The following MAD1L1 variants were observed in gnomAD, a reference collection of about 807,000 sequenced individuals.
The protein encoded by MAD1L1 is mitotic spindle assembly checkpoint protein MAD1.
MAD1L1 carries 95 observed loss-of-function variants against 96.9 expected under a neutral mutation model. The ratio of observed to expected loss-of-function variants is 0.98; its 90% CI spans 0.83 to 1.16. The LOEUF is 1.16. MAD1L1 is among the 50% of genes most tolerant of loss of function. MAD1L1 has a pLI of 0.00. For missense variants in MAD1L1, 1,007 were observed against 954.4 expected (o/e 1.06, Z -0.73); for synonymous variants, 473 against 396.6 (o/e 1.19, Z -2.29).
At chr7:1,887,411 A>ATGTG (rs10678802) in intron 18 of MAD1L1, among the ~76,000 whole-genome samples, 4,895 of 146,694 alleles carry the variant, frequency 0.033, 161 homozygotes, top group Admixed American at 0.096. Context: ...CTGCCTGTGC[A>ATGTG]TGTGTGTGTG....
At chr7:2,053,284 G>A (rs114833619) in intron 12 of MAD1L1, among the ~76,000 whole-genome samples, 121 of 152,298 alleles carry the variant, frequency 7.9e-4, no homozygotes, top group African/African-American at 2.8e-3. Context: ...GTGAGGCTGG[G>A]ACCAAGAGTC....
chr7:2,139,702 G>A (rs1036370362), intron 11 of MAD1L1, among the ~76,000 whole-genome samples: 2 of 152,192 alleles, frequency 1.3e-5, no homozygotes, highest in Non-Finnish European at 2.9e-5. Flanking sequence ...GGAGGAAGCC[G>A]GGCTTCGGCA....
chr7:2,210,934 C>A (rs370851547), intron 10 of MAD1L1, among the ~76,000 whole-genome samples: 1 of 152,252 alleles, frequency 6.6e-6, no homozygotes, highest in Admixed American at 6.5e-5. Context: ...CGGATCTTCA[C>A]ACGCAGTTGG....
At chr7:2,167,637 G>T (rs1000144758) in intron 10 of MAD1L1, among the ~76,000 whole-genome samples, 7 of 152,096 alleles carry the variant, frequency 4.6e-5, no homozygotes, top group Admixed American at 1.3e-4. Context: ...GGCTGAGGTG[G>T]GAGGACCACT....
intron 18 of MAD1L1, among the ~76,000 whole-genome samples, chr7:1,890,550 T>C (rs1786473799): frequency 6.6e-6 from 1 of 152,138 alleles, no homozygotes; most frequent in African/African-American, 2.4e-5. Context: ...CCAAATACAC[T>C]CCTTTTTCTC....
At chr7:1,886,127 A>C (rs1468290659) in intron 18 of MAD1L1, among the ~76,000 whole-genome samples, 1 of 152,192 alleles carries the variant, frequency 6.6e-6, no homozygotes, top group Admixed American at 6.5e-5. Flanking sequence ...GCCCAGCAGC[A>C]CTGTGAGGGC....
intron 18 of MAD1L1, among the ~76,000 whole-genome samples, chr7:1,832,631 GGC>G (rs1224762645): frequency 3.6e-3 from 26 of 7,162 alleles, no homozygotes; most frequent in South Asian, 0.012. Context: ...TTTTTTTTTT[GGC>G]GGGGGGGGGG....
intron 16 of MAD1L1, among the ~76,000 whole-genome samples, chr7:1,947,878 G>A (rs776289863): frequency 4.6e-5 from 7 of 152,188 alleles, no homozygotes; most frequent in African/African-American, 9.7e-5. Flanking sequence ...CTGCGGGGCC[G>A]TGTCCCACCT....
chr7:1,906,676 T>C (rs555330427), intron 17 of MAD1L1, among the ~76,000 whole-genome samples: 1 of 152,350 alleles, frequency 6.6e-6, no homozygotes, highest in Admixed American at 6.5e-5. Flanking sequence ...TCAGGTGGGC[T>C]GGGCCAGGCC....
At chr7:1,984,861 T>G (rs1487474536) in intron 14 of MAD1L1, among the ~76,000 whole-genome samples, 1 of 152,230 alleles carries the variant, frequency 6.6e-6, no homozygotes, top group Non-Finnish European at 1.5e-5. Context: ...ATCTATCTCA[T>G]TCTGTGGCCT....
chr7:2,002,343 C>T (rs1781837468), intron 13 of MAD1L1, among the ~76,000 whole-genome samples: 2 of 152,284 alleles, frequency 1.3e-5, no homozygotes, highest in East Asian at 1.9e-4. Flanking sequence ...AGACGAAGAC[C>T]GAGTGGGCTG....
At position 2,057,965 on chromosome 7, in the gene MAD1L1, G is replaced by A. The variant is rs554582038; in HGVS notation, c.1218+11229C>T. Among the ~76,000 whole-genome samples, 37 of 151,102 alleles carry A rather than the reference G, an allele frequency of 2.4e-4. 3 individuals are homozygous for A. The highest frequency in any genetic ancestry group is 8.4e-4 in the African/African-American group (34 of 40,622). On this transcript the variant is annotated intron_variant, in intron 12 of 18. Transcript: ENST00000265854. ...AAGGGGCATGGAGAGAAGCAGGGCC[G>A]GAGAGGGAGTGTGGCCAGAGGAGAG... is the stretch of plus-strand genomic sequence containing the variant.
chr7:1,902,149 CCCTCACCA>C (rs1316634998), intron 17 of MAD1L1, among the ~76,000 whole-genome samples: 2 of 152,154 alleles, frequency 1.3e-5, no homozygotes, highest in Non-Finnish European at 2.9e-5. Context: ...AACAGCCACC[CCCTCACCA>C]CCTTAGCCCC....
chr7:2,146,394 G>A lies in MAD1L1; in HGVS notation c.1073+2758C>T, dbSNP rs568611739. On this transcript the variant is annotated intron_variant, in intron 11 of 18. Coordinates refer to ENST00000265854, the MANE Select transcript of MAD1L1 (RefSeq NM_001013836.2). This position sits in a 1 kb window ranked among gnomAD's most constrained non-coding sequence, Gnocchi z 6.2. ...AACAGGGCAACGCCTCGAAGAGGGAGCACCGGGCACTGGGCTACGAGGAAC... is the reference window on the plus strand; with the variant it reads ...AACAGGGCAACGCCTCGAAGAGGGAACACCGGGCACTGGGCTACGAGGAAC... Among the ~76,000 whole-genome samples, 43 of 152,224 alleles carry A rather than the reference G, an allele frequency of 2.8e-4. No individual in the cohort carries two copies. Among genetic ancestry groups the A allele is most frequent in the African/African-American group, 1.0e-3 (42 of 41,522 alleles).
intron 10 of MAD1L1, among the ~76,000 whole-genome samples, chr7:2,172,324 G>A (rs1790745435): frequency 6.6e-6 from 1 of 152,080 alleles, no homozygotes; most frequent in Non-Finnish European, 1.5e-5. Flanking sequence ...AGATTACACC[G>A]CTGGGAAGCT....
At chr7:2,156,627 C>G (rs1242919927) in intron 10 of MAD1L1, among the ~76,000 whole-genome samples, 1 of 152,114 alleles carries the variant, frequency 6.6e-6, no homozygotes, top group Non-Finnish European at 1.5e-5. Flanking sequence ...CAAGACCAGC[C>G]TGGCCAACAT....
intron 10 of MAD1L1, among the ~76,000 whole-genome samples, chr7:2,157,575 G>C (rs1287891408): frequency 6.6e-6 from 1 of 152,182 alleles, no homozygotes; most frequent in Non-Finnish European, 1.5e-5. Flanking sequence ...TCTGAAAGAG[G>C]AGGGCAGACA....
chr7:2,220,461 A>T (rs1793539773), intron 5 of MAD1L1, among the ~76,000 whole-genome samples: 1 of 152,256 alleles, frequency 6.6e-6, no homozygotes, highest in Non-Finnish European at 1.5e-5. Context: ...CAATGTGAAA[A>T]GCCGGACAGA....
intron 11 of MAD1L1, among the ~76,000 whole-genome samples, chr7:2,078,572 C>T (rs1242184994): frequency 6.6e-6 from 1 of 152,258 alleles, no homozygotes; most frequent in Non-Finnish European, 1.5e-5. Flanking sequence ...GCAGAGGAGG[C>T]TGGCGGCCAG....
Sources: gnomAD v4.1 joint callset for allele counts (sites outside exome capture counted in the v4.1 genomes callset) on GRCh38, gnomAD v4.1.1 for gene constraint, Gnocchi (gnomAD v3.1) non-coding constraint, MANE v1.5 for transcripts, NCBI Gene and HGNC (gene_info 2026-07-23, HGNC 2026-07-21) for gene names.